XYLB: variants seen among roughly 807,000 people sequenced by gnomAD.
XYLB encodes the protein xylulokinase.
A neutral mutation model predicts 78.7 loss-of-function variants in XYLB; 62 were observed. That is an observed-to-expected ratio of 0.79 (90% CI 0.64 to 0.97). The LOEUF is 0.97. Among genes scored for constraint, XYLB ranks in the 50% least tolerant of loss-of-function variants. XYLB has a pLI of 0.00. For synonymous variants in XYLB, 245 were observed against 247.4 expected (o/e 0.99, Z 0.09); for missense variants, 687 against 676.8 (o/e 1.02, Z -0.17).
chr3:38,446,665 G>C, the XYLB span, among the ~76,000 whole-genome samples: 1 of 152,288 alleles, frequency 6.6e-6, no homozygotes, highest in Non-Finnish European at 1.5e-5. Context: ...ACTTATATTG[G>C]GGAATGGAAA....
At chr3:38,360,482 G>GT in intron 3 of XYLB, 74 bp downstream of exon 3, 1 of 1,379,318 alleles carries the variant, frequency 7.2e-7, no homozygotes, top group Non-Finnish European at 9.9e-7. Flanking sequence ...TTGCTAGGAA[G>GT]TCCAAAGGTG....
intron 15 of XYLB, among the ~76,000 whole-genome samples, chr3:38,382,437 A>C (rs962193541): frequency 6.6e-6 from 1 of 152,312 alleles, no homozygotes; most frequent in East Asian, 1.9e-4. Context: ...GGGTGTGTTT[A>C]GTTTTTAAAA....
At position 38,366,717 on chromosome 3, in the gene XYLB, C is replaced by A. The variant is rs1706282250; in HGVS notation, c.508-91C>A. 1.5e-5 allele frequency: 13 copies of A among 887,132 alleles called. No homozygotes were observed. The South Asian group carries it at 1.9e-4, about 13-fold the overall frequency. 55.0% of individuals were successfully genotyped at this position (887,132 alleles called of 1,614,324 possible). A position where few individuals can be genotyped will look rare whatever the true frequency, so the allele number is the denominator to read the frequency against. On this transcript the variant is annotated intron_variant, in intron 6 of 18. Transcript: ENST00000207870. ...AAGCTTTTATGGTACCTACTCCTAT[C>A]CAGAGCATGCTACATTAAACTCACT...
chr3:38,436,169 A>C, the XYLB span, among the ~76,000 whole-genome samples: 1 of 152,178 alleles, frequency 6.6e-6, no homozygotes, highest in Non-Finnish European at 1.5e-5. Context: ...CAACATGGAT[A>C]AATCACTAGC....
At chr3:38,385,615 T>C (rs913722102) in intron 15 of XYLB, among the ~76,000 whole-genome samples, 13 of 152,232 alleles carry the variant, frequency 8.5e-5, no homozygotes, top group African/African-American at 3.1e-4. Context: ...GATAGTAATT[T>C]TCATCTTTTT....
intron 6 of XYLB, among the ~76,000 whole-genome samples, 185 bp from the exon 7 acceptor site, chr3:38,366,623 C>T (rs935344131): frequency 1.3e-5 from 2 of 152,196 alleles, no homozygotes; most frequent in Admixed American, 6.5e-5. Flanking sequence ...GAGTTCCTCT[C>T]GCTTCAGCCT....
Position 38,346,834 on chromosome 3 carries a change from C to G in XYLB, c.-35C>G. On this transcript the variant is annotated 5_prime_UTR_variant, in exon 1 of 19. Transcript: ENST00000207870. ...ACTATCACGCCGCGTGGCGGACGGA[C>G]GGACTGACGGACGCGCAGCCTTACC... 6.7e-7 allele frequency: 1 copy of G among 1,483,204 alleles called. No individual in the cohort carries two copies. The highest frequency in any genetic ancestry group is 9.0e-7 in the Non-Finnish European group (1 of 1,116,734). 91.9% of individuals were successfully genotyped at this position (1,483,204 alleles called of 1,614,324 possible). A position where few individuals can be genotyped will look rare whatever the true frequency, so the allele number is the denominator to read the frequency against.
intron 2 of XYLB, among the ~76,000 whole-genome samples, chr3:38,349,254 G>C (rs117514754): frequency 6.6e-6 from 1 of 152,236 alleles, no homozygotes; most frequent in African/African-American, 2.4e-5. Context: ...AGCCAATGAT[G>C]CTGGGGAGCA....
At chr3:38,417,737 G>A (rs1427089166), downstream of XYLB, among the ~76,000 whole-genome samples, 1 of 151,646 alleles carries the variant, frequency 6.6e-6, no homozygotes, top group Non-Finnish European at 1.5e-5. Flanking sequence ...AAAATTAGCT[G>A]GGCATGGTGG....
At chr3:38,437,927 G>A in the XYLB span, among the ~76,000 whole-genome samples, 7 of 152,014 alleles carry the variant, frequency 4.6e-5, no homozygotes, top group East Asian at 1.9e-4. Flanking sequence ...AAAATTAGCC[G>A]GGTGTGGTGG....
intron 17 of XYLB, among the ~76,000 whole-genome samples, chr3:38,399,455 T>G (rs200378387): frequency 8.4e-6 from 1 of 119,126 alleles, no homozygotes; most frequent in Non-Finnish European, 2.2e-5. Context: ...ATAAATATTT[T>G]AAGAGAGAAT....
chr3:38,366,634 C>T (rs1436042467), intron 6 of XYLB, among the ~76,000 whole-genome samples, 174 bp from the exon 7 acceptor site: 2 of 152,216 alleles, frequency 1.3e-5, no homozygotes, highest in Non-Finnish European at 2.9e-5. Flanking sequence ...GCTTCAGCCT[C>T]CTGAGTAGCT....
Position 38,376,170 on chromosome 3 carries a change from G to A in XYLB, c.1058G>A (p.Arg353His), listed in dbSNP as rs763185587. 5.6e-6 allele frequency: 9 copies of A among 1,614,034 alleles called. No homozygotes were observed. Among genetic ancestry groups the A allele is most frequent in the East Asian group, 2.2e-5 (1 of 44,892 alleles). Reference sequence around the variant, plus strand: ...AAGATCCGCAACGAGTCTGTATCCCGTTCCTGGAGCGATTTCTCTAAGGCA... The same window carrying A: ...AAGATCCGCAACGAGTCTGTATCCCATTCCTGGAGCGATTTCTCTAAGGCA... ...REKIRNESVS[R>H]SWSDFSKALQ... The change falls in exon 13 of 19, where the codon CGT (arginine) becomes CAT (histidine). Residue 353 changes from arginine (R) to histidine (H), a missense_variant. Transcript: ENST00000207870.
chr3:38,427,386 T>G, the XYLB span, among the ~76,000 whole-genome samples: 1 of 152,208 alleles, frequency 6.6e-6, no homozygotes, highest in Non-Finnish European at 1.5e-5. Flanking sequence ...TAAACTTGTT[T>G]AAATATTCCT....
chr3:38,371,185 G>T (rs818831), intron 9 of XYLB, among the ~76,000 whole-genome samples: 142,952 of 152,270 alleles, frequency 0.94, 67,125 homozygotes, highest in East Asian at 1. Flanking sequence ...TCATAGCTAC[G>T]GCAGCCACCA....
the XYLB span, among the ~76,000 whole-genome samples, chr3:38,428,002 A>G: frequency 2.0e-5 from 3 of 152,212 alleles, no homozygotes; most frequent in Admixed American, 6.5e-5. Context: ...CACTGCTTTA[A>G]CTGCATCCCG....
intron 15 of XYLB, among the ~76,000 whole-genome samples, chr3:38,388,001 C>T (rs758881003): frequency 7.2e-5 from 11 of 152,086 alleles, no homozygotes; most frequent in African/African-American, 1.9e-4. Flanking sequence ...GAATGCTGTA[C>T]GTTGTGTTTA....
intron 14 of XYLB, among the ~76,000 whole-genome samples, chr3:38,378,692 G>A (rs961816751): frequency 6.6e-6 from 1 of 151,610 alleles, no homozygotes; most frequent in South Asian, 2.1e-4. Flanking sequence ...GGGGGATGGC[G>A]GCAGGTTCTA....
At chr3:38,374,523 C>T in intron 11 of XYLB, 21 bp downstream of exon 11, 1 of 1,613,560 alleles carries the variant, frequency 6.2e-7, no homozygotes, top group Non-Finnish European at 8.5e-7. Context: ...TTCCCACACC[C>T]ATAGGCTCTT....
Sources: allele counts gnomAD v4.1 joint callset (sites outside exome capture counted in the v4.1 genomes callset), GRCh38; gene constraint gnomAD v4.1.1; transcripts MANE v1.5; gene names NCBI Gene and HGNC (gene_info 2026-07-23, HGNC 2026-07-21).